The following ADGRL2 variants were observed in gnomAD, a reference collection of about 807,000 sequenced individuals.
ADGRL2 encodes adhesion G protein-coupled receptor L2, also known as calcium-independent alpha-latrotoxin receptor 2.
Under a neutral mutation model 157.4 loss-of-function variants are expected in ADGRL2, and 44 were observed. That is an observed-to-expected ratio of 0.28 (90% CI 0.22 to 0.36). The LOEUF is 0.36. Ranked by LOEUF, ADGRL2 falls within the 10% of genes least tolerant of loss-of-function variation. The pLI, the probability that ADGRL2 is intolerant of heterozygous loss-of-function variation, is 1.00. For missense variants in ADGRL2, 1,510 were observed against 1,768.9 expected (o/e 0.85, Z 2.63); for synonymous variants, 585 against 624.7 (o/e 0.94, Z 0.95).
At chr1:81,508,315 T>C (rs1216960877) in intron 2 of ADGRL2, among the ~76,000 whole-genome samples, 3 of 152,222 alleles carry the variant, frequency 2.0e-5, no homozygotes, top group Non-Finnish European at 2.9e-5. Context: ...TTAAAGGGAA[T>C]AGAGTTGTGT....
At chr1:81,370,898 T>A (rs1248228427) in intron 1 of ADGRL2, among the ~76,000 whole-genome samples, 1 of 152,160 alleles carries the variant, frequency 6.6e-6, no homozygotes, top group Non-Finnish European at 1.5e-5. Context: ...GAAAAACATA[T>A]TAGGCCTTTC....
intron 1 of ADGRL2, among the ~76,000 whole-genome samples, chr1:81,309,834 C>G (rs1659618327): frequency 6.6e-6 from 1 of 152,094 alleles, no homozygotes; most frequent in Admixed American, 6.6e-5. Flanking sequence ...AGATTGACAT[C>G]TCTTTATATG....
intron 1 of ADGRL2, among the ~76,000 whole-genome samples, chr1:81,326,419 G>A (rs1338526289): frequency 4.6e-5 from 7 of 152,170 alleles, no homozygotes; most frequent in African/African-American, 1.7e-4. Flanking sequence ...TCAGGTCTCA[G>A]TAATAAGTGC....
chr1:81,444,506 C>T (rs1490684584), intron 1 of ADGRL2, among the ~76,000 whole-genome samples: 1 of 152,202 alleles, frequency 6.6e-6, no homozygotes, highest in Non-Finnish European at 1.5e-5. Context: ...TTTGCCCTCA[C>T]ATCTGTGCTT....
chr1:81,359,568 A>C (rs989041950), intron 1 of ADGRL2, among the ~76,000 whole-genome samples: 4 of 152,092 alleles, frequency 2.6e-5, no homozygotes, highest in Admixed American at 2.6e-4. Flanking sequence ...CAACATGAGT[A>C]AGTCATACAT....
intron 1 of ADGRL2, among the ~76,000 whole-genome samples, chr1:81,404,754 T>C (rs2101325225): frequency 6.6e-6 from 1 of 152,342 alleles, no homozygotes; most frequent in East Asian, 1.9e-4. Context: ...AGATCTCTTC[T>C]TCCTTTTCCT....
At chr1:81,724,615 T>A (rs79624553) in intron 1 of ADGRL2, among the ~76,000 whole-genome samples, 13,030 of 152,242 alleles carry the variant, frequency 0.086, 595 homozygotes, top group Non-Finnish European at 0.097. Context: ...AATAAGACTA[T>A]GTATAGACAT....
At chr1:81,484,442 G>A (rs1023968419) in intron 2 of ADGRL2, among the ~76,000 whole-genome samples, 1 of 152,118 alleles carries the variant, frequency 6.6e-6, no homozygotes, top group African/African-American at 2.4e-5. Context: ...TGAAGGCTGG[G>A]TCAGATAGCA....
At position 81,907,089 on chromosome 1, in the gene ADGRL2, T is replaced by C; in HGVS notation, c.146T>C (p.Leu49Pro). Reference protein sequence around the residue: ...ELSCEGYSIDLRCPGSDVIMI... With the variant: ...ELSCEGYSIDPRCPGSDVIMI... ...TCCTGTGAAGGTTATTCTATAGATCTGCGATGCCCGGGCAGTGATGTCATC... is the reference window on the plus strand; with the variant it reads ...TCCTGTGAAGGTTATTCTATAGATCCGCGATGCCCGGGCAGTGATGTCATC... Residue 49 changes from leucine to proline, a missense_variant, in exon 3 of 24, where the codon CTG (leucine) becomes CCG (proline). By Grantham distance (98) the Leu-to-Pro change is moderately conservative. Transcript: ENST00000686636. 6.2e-7 allele frequency: 1 copy of C among 1,614,118 alleles called. No individual in the cohort carries two copies. Among genetic ancestry groups the C allele is most frequent in the Non-Finnish European group, 8.5e-7 (1 of 1,179,990 alleles).
intron 1 of ADGRL2, among the ~76,000 whole-genome samples, chr1:81,418,873 A>G (rs1336240284): frequency 6.6e-6 from 1 of 152,230 alleles, no homozygotes; most frequent in East Asian, 1.9e-4. Flanking sequence ...GTTAAAATAG[A>G]ATCTATACTT....
intron 1 of ADGRL2, among the ~76,000 whole-genome samples, chr1:81,701,221 GAA>G (rs764581383): frequency 6.6e-6 from 1 of 152,114 alleles, no homozygotes; most frequent in South Asian, 2.1e-4. Context: ...TTTGGTTTCT[GAA>G]AAAGTGTTGA....
chr1:81,558,708 A>G (rs368134882), intron 2 of ADGRL2, among the ~76,000 whole-genome samples: 12 of 152,252 alleles, frequency 7.9e-5, no homozygotes, highest in African/African-American at 2.6e-4. Flanking sequence ...TTATAATAGT[A>G]CCTGGTACCT....
chr1:81,336,886 T>A (rs1470908495), intron 1 of ADGRL2, among the ~76,000 whole-genome samples: 1 of 151,922 alleles, frequency 6.6e-6, no homozygotes, highest in Non-Finnish European at 1.5e-5. Flanking sequence ...TCCCATCTTG[T>A]ACCCATGAAA....
chr1:81,617,369 G>A (rs1370970179), intron 3 of ADGRL2, among the ~76,000 whole-genome samples: 1 of 152,158 alleles, frequency 6.6e-6, no homozygotes, highest in Non-Finnish European at 1.5e-5. Context: ...TGGAAAAAAT[G>A]TCTTCCATGA....
At chr1:81,725,352 A>G (rs185827503) in intron 1 of ADGRL2, among the ~76,000 whole-genome samples, 6 of 152,004 alleles carry the variant, frequency 3.9e-5, no homozygotes, top group Non-Finnish European at 8.8e-5. Flanking sequence ...AGTCTGGCCA[A>G]CATAGTGAAA....
intron 3 of ADGRL2, among the ~76,000 whole-genome samples, chr1:81,659,298 G>A (rs1006849218): frequency 2.0e-5 from 3 of 152,096 alleles, no homozygotes; most frequent in Non-Finnish European, 4.4e-5. Flanking sequence ...CTGACCTCAA[G>A]TGATCCACCT....
At chr1:81,799,778 G>C (rs1447997426), upstream of ADGRL2, among the ~76,000 whole-genome samples, 1 of 151,190 alleles carries the variant, frequency 6.6e-6, no homozygotes, top group Non-Finnish European at 1.5e-5. Context: ...TTTTTTTCTT[G>C]AAAAAAAGGT....
intron 1 of ADGRL2, among the ~76,000 whole-genome samples, chr1:81,803,499 G>A (rs2088631722): frequency 6.6e-6 from 1 of 151,938 alleles, no homozygotes; most frequent in South Asian, 2.1e-4. Context: ...CAAGTCCTGC[G>A]GTATCTATCA....
chr1:81,941,462 A>G (rs980325884), intron 4 of ADGRL2, among the ~76,000 whole-genome samples: 6 of 151,666 alleles, frequency 4.0e-5, no homozygotes, highest in African/African-American at 1.5e-4. Context: ...GCATAATTAT[A>G]TATTTCTTCT....
Sources: gnomAD v4.1 joint callset for allele counts (sites outside exome capture counted in the v4.1 genomes callset) on GRCh38, gnomAD v4.1.1 for gene constraint, MANE v1.5 for transcripts, NCBI Gene and HGNC (gene_info 2026-07-23, HGNC 2026-07-21) for gene names.